GALNT1: variants seen among roughly 807,000 people sequenced by gnomAD.
GALNT1 encodes polypeptide N-acetylgalactosaminyltransferase 1.
In GALNT1, 17 loss-of-function variants were observed where a neutral mutation model predicts 65.7. That is an observed-to-expected ratio of 0.26 (90% confidence interval 0.18 to 0.39). The LOEUF (loss-of-function observed/expected upper bound fraction) is 0.39, where lower values mean the gene tolerates loss of function less well. GALNT1 is among the 10% of genes least tolerant of loss of function. GALNT1 has a pLI of 1.00. For missense variants in GALNT1, 460 were observed against 672.8 expected (o/e 0.68, Z 3.50); for synonymous variants, 210 against 219.7 (o/e 0.96, Z 0.39).
chr18:35,679,700 A>G (rs542969478), intron 4 of GALNT1, among the ~76,000 whole-genome samples: 1 of 152,130 alleles, frequency 6.6e-6, no homozygotes, highest in East Asian at 1.9e-4. Context: ...TATCTGGGAG[A>G]CAGTAGATCT....
At chr18:35,643,588 C>G (rs923783373) in intron 1 of GALNT1, among the ~76,000 whole-genome samples, 4 of 152,010 alleles carry the variant, frequency 2.6e-5, no homozygotes, top group African/African-American at 9.7e-5. Flanking sequence ...ACAGTGAAAC[C>G]CCATCTCTAC....
chr18:35,595,674 A>C (rs1157767160), intron 1 of GALNT1, among the ~76,000 whole-genome samples: 1 of 151,996 alleles, frequency 6.6e-6, no homozygotes, highest in Non-Finnish European at 1.5e-5. Context: ...CAATAAGATA[A>C]TTTTTTTTAC....
At chr18:35,590,917 G>A (rs533570129) in intron 1 of GALNT1, among the ~76,000 whole-genome samples, 1 of 152,152 alleles carries the variant, frequency 6.6e-6, no homozygotes, top group South Asian at 2.1e-4. Flanking sequence ...CCATGCAAAG[G>A]GAACACTGTC....
chr18:35,616,745 G>A (rs925910114), intron 1 of GALNT1, among the ~76,000 whole-genome samples: 10 of 152,102 alleles, frequency 6.6e-5, no homozygotes, highest in East Asian at 3.9e-4. Context: ...AGTTAGCATC[G>A]TCTCAGACTC....
At chr18:35,642,620 T>A (rs939810038) in intron 1 of GALNT1, among the ~76,000 whole-genome samples, 2 of 152,200 alleles carry the variant, frequency 1.3e-5, no homozygotes, top group African/African-American at 4.8e-5. Flanking sequence ...TGATATTTTA[T>A]AAGTTTTTGT....
intron 11 of GALNT1, among the ~76,000 whole-genome samples, chr18:35,703,849 C>T (rs1416656975): frequency 6.6e-6 from 1 of 152,200 alleles, no homozygotes; most frequent in Non-Finnish European, 1.5e-5. Flanking sequence ...TATAAAATCA[C>T]AGTTGCCTCC....
intron 5 of GALNT1, among the ~76,000 whole-genome samples, chr18:35,685,577 G>A (rs1174285702): frequency 6.6e-6 from 1 of 151,662 alleles, no homozygotes; most frequent in East Asian, 1.9e-4. Flanking sequence ...AGATGTTAAT[G>A]CCCTCAATCA....
intron 1 of GALNT1, among the ~76,000 whole-genome samples, chr18:35,645,280 G>T (rs1341345437): frequency 7.1e-6 from 1 of 139,948 alleles, no homozygotes; most frequent in Non-Finnish European, 1.5e-5. Context: ...GCCCAGGCTG[G>T]AGTGCAGTGG....
At chr18:35,595,700 CA>C (rs571836710) in intron 1 of GALNT1, among the ~76,000 whole-genome samples, 2,350 of 151,982 alleles carry the variant, frequency 0.015, 29 homozygotes, top group African/African-American at 0.027. Context: ...TAAATAGTGG[CA>C]ATTTTTTTTT....
chr18:35,610,577 A>G (rs1012993112), intron 1 of GALNT1, among the ~76,000 whole-genome samples: 2 of 152,010 alleles, frequency 1.3e-5, no homozygotes, highest in African/African-American at 4.8e-5. Context: ...ATGGATTTTG[A>G]ATTTTCTTCT....
intron 1 of GALNT1, among the ~76,000 whole-genome samples, chr18:35,587,213 C>A (rs1165706806): frequency 6.6e-6 from 1 of 152,186 alleles, no homozygotes; most frequent in East Asian, 1.9e-4. Flanking sequence ...ATTCCACAAT[C>A]TTGCTGAACC....
intron 3 of GALNT1, among the ~76,000 whole-genome samples, chr18:35,674,400 C>T (rs1418404197): frequency 6.6e-6 from 1 of 152,118 alleles, no homozygotes; most frequent in African/African-American, 2.4e-5. Flanking sequence ...TATTGAAGCT[C>T]AGCGGGGTGA....
rs113289631 is a variant in GALNT1 at position 35,695,526 on chromosome 18, A to G, written c.1299+3206A>G. On this transcript the variant is annotated intron_variant, in intron 9 of 11. Coordinates refer to ENST00000269195, the MANE Select transcript of GALNT1 (RefSeq NM_020474.4). ...TAGAAATGTAAGATAAGGGAAAGCA[A>G]GTAGATCACTGAAGGAAGCCAGATG... 2.7e-3 allele frequency among the ~76,000 whole-genome samples: 411 copies of G among 152,274 alleles called. 5 individuals are homozygous for G. The highest frequency in any genetic ancestry group is 9.1e-3 in the African/African-American group (380 of 41,534).
intron 1 of GALNT1, among the ~76,000 whole-genome samples, chr18:35,613,352 A>C (rs1264832602): frequency 6.7e-6 from 1 of 150,226 alleles, no homozygotes; most frequent in African/African-American, 2.4e-5. Context: ...AGCGTGGCAG[A>C]GTAGAGGTTA....
At chr18:35,596,240 G>A (rs2046503519) in intron 1 of GALNT1, 1 of 152,174 alleles carries the variant, frequency 6.6e-6, no homozygotes, top group Non-Finnish European at 1.5e-5. Context: ...GCTTGATTCA[G>A]ATTGGGTCAA....
intron 1 of GALNT1, among the ~76,000 whole-genome samples, chr18:35,628,074 C>T (rs945650035): frequency 3.3e-5 from 5 of 152,194 alleles, no homozygotes; most frequent in Non-Finnish European, 7.3e-5. Context: ...GGCTGGGAAG[C>T]TCGAACTGGG....
At chr18:35,667,678 A>C (rs1465019907) in intron 3 of GALNT1, among the ~76,000 whole-genome samples, 1 of 151,732 alleles carries the variant, frequency 6.6e-6, no homozygotes, top group Non-Finnish European at 1.5e-5. Flanking sequence ...TTTTCCTTAC[A>C]GTTTATTATT....
chr18:35,710,963 T>A lies in GALNT1; in HGVS notation c.*1193T>A, dbSNP rs2048343427. The stretch of plus-strand genomic sequence containing the variant: ...TTGAATTGTAATGTTTATCTGCTGC[T>A]TTTTTTAAATAAAATTTGACTGAAA... On this transcript the variant is annotated 3_prime_UTR_variant, in exon 12 of 12. Coordinates refer to ENST00000269195, the MANE Select transcript of GALNT1 (RefSeq NM_020474.4). The A allele has an allele frequency of 6.6e-6, 1 of 152,544 alleles. No individual in the cohort carries two copies. The highest frequency in any genetic ancestry group is 2.1e-4 in the South Asian group (1 of 4,830). The allele number at this position is 152,544 out of a possible 1,614,324, so 9.4% of individuals were successfully genotyped here.
intron 1 of GALNT1, among the ~76,000 whole-genome samples, chr18:35,639,562 T>C (rs2047135072): frequency 6.6e-6 from 1 of 152,206 alleles, no homozygotes; most frequent in Non-Finnish European, 1.5e-5. Context: ...GGTATGCCTG[T>C]AGCGAAACTT....
Sources: allele counts gnomAD v4.1 joint callset (sites outside exome capture counted in the v4.1 genomes callset), GRCh38; gene constraint gnomAD v4.1.1; transcripts MANE v1.5; gene names NCBI Gene and HGNC (gene_info 2026-07-23, HGNC 2026-07-21).